The following SLIT1 variants were observed in gnomAD, a reference collection of about 807,000 sequenced individuals.
SLIT1 encodes slit homolog 1 protein.
Under a neutral mutation model 186.1 loss-of-function variants are expected in SLIT1, and 66 were observed. The observed-to-expected ratio is 0.35, with a 90% CI of 0.29 to 0.44. SLIT1 has a LOEUF of 0.44. SLIT1 is among the 20% of genes least tolerant of loss of function. The pLI is 1.00. For synonymous variants in SLIT1, 761 were observed against 833.8 expected (o/e 0.91, Z 1.50); for missense variants, 1,638 against 2,037.4 (o/e 0.80, Z 3.77).
At chr10:97,180,026 A>G (rs1256165275) in intron 1 of SLIT1, among the ~76,000 whole-genome samples, 1 of 152,160 alleles carries the variant, frequency 6.6e-6, no homozygotes, top group Non-Finnish European at 1.5e-5. Context: ...GCCCCAAAAG[A>G]GCACGGCCGC....
At chr10:97,150,949 A>C (rs968650951) in intron 4 of SLIT1, among the ~76,000 whole-genome samples, 6 of 152,150 alleles carry the variant, frequency 3.9e-5, no homozygotes, top group Admixed American at 3.9e-4. Flanking sequence ...CTGTCAGGTG[A>C]CGGAGCTGAC....
Position 97,002,177 on chromosome 10 carries a change from C to T in SLIT1, c.4347G>A (p.Ser1449=), listed in dbSNP as rs372740648. 72 of 1,489,408 alleles carry T rather than the reference C, an allele frequency of 4.8e-5. 1 individual carries two copies. The African/African-American group carries it at 5.8e-4, about 12-fold the overall frequency. 92.3% of individuals were successfully genotyped at this position (1,489,408 alleles called of 1,614,324 possible). The part of the protein sequence containing the change: ...GAHCVCDPGF[S]GELCEQESEC... ...CCTGACCTTGCTCACACAGCTCGCC[C>T]GAAAAGCCGGGGTCACACACACAGT... The change falls in exon 36 of 37, where the codon TCG becomes TCA. Residue 1449 remains serine (S), a synonymous_variant. Coordinates refer to ENST00000266058, the MANE Select transcript of SLIT1 (RefSeq NM_003061.3).
chr10:97,075,765 G>A (rs373908939), intron 4 of SLIT1, among the ~76,000 whole-genome samples: 1 of 152,220 alleles, frequency 6.6e-6, no homozygotes, highest in Non-Finnish European at 1.5e-5. Context: ...CACCTCCTGA[G>A]TCAGGATCCC....
chr10:97,124,151 G>A (rs1589402564), intron 4 of SLIT1, among the ~76,000 whole-genome samples: 3 of 152,200 alleles, frequency 2.0e-5, no homozygotes, highest in African/African-American at 7.2e-5. Context: ...ATTTTATCAT[G>A]AGTATGCATA....
At position 97,160,140 on chromosome 10, in the gene SLIT1, C is replaced by T. The variant is rs747706777; in HGVS notation, c.342-2251G>A. On this transcript the variant is annotated intron_variant, in intron 3 of 36. Coordinates refer to ENST00000266058, the MANE Select transcript of SLIT1 (RefSeq NM_003061.3). The stretch of plus-strand genomic sequence containing the variant: ...CTCCACTCCTCTCCACCTGCAGACC[C>T]GCTGAGGCCACAATGTCCTGATCCC... Among the ~76,000 whole-genome samples, 5 of 152,166 alleles carry T rather than the reference C, an allele frequency of 3.3e-5. No homozygotes were observed. In the South Asian group the frequency reaches 8.3e-4, roughly 25 times the overall value.
At chr10:97,155,664 C>G (rs906782179) in intron 4 of SLIT1, among the ~76,000 whole-genome samples, 6 of 152,126 alleles carry the variant, frequency 3.9e-5, no homozygotes, top group Non-Finnish European at 8.8e-5. Flanking sequence ...TGCCTTGATC[C>G]CAGCAAGGTA....
intron 4 of SLIT1, among the ~76,000 whole-genome samples, chr10:97,115,771 A>C (rs1016534234): frequency 1.3e-5 from 2 of 152,192 alleles, no homozygotes; most frequent in Non-Finnish European, 1.5e-5. Context: ...TTCTCACTGT[A>C]CTGTGAAAAT....
At chr10:97,123,091 A>G (rs963791114) in intron 4 of SLIT1, among the ~76,000 whole-genome samples, 3 of 152,238 alleles carry the variant, frequency 2.0e-5, no homozygotes, top group African/African-American at 7.2e-5. Context: ...AGATGCTATT[A>G]CCATCCCCAC....
chr10:97,032,398 G>A (rs12262174), intron 23 of SLIT1, among the ~76,000 whole-genome samples: 9,693 of 151,928 alleles, frequency 0.064, 412 homozygotes, highest in Middle Eastern at 0.17. Context: ...GCAAAACCCC[G>A]TCTCTCCTAA....
chr10:97,149,155 A>G (rs1849848651), intron 4 of SLIT1, among the ~76,000 whole-genome samples: 3 of 152,220 alleles, frequency 2.0e-5, no homozygotes. Flanking sequence ...GCCCACAGCC[A>G]GGCACCAGGG....
intron 4 of SLIT1, among the ~76,000 whole-genome samples, chr10:97,091,693 T>A (rs1849233674): frequency 6.6e-6 from 1 of 152,212 alleles, no homozygotes; most frequent in Admixed American, 6.5e-5. Flanking sequence ...TTTGAACATG[T>A]TTTTATCTTC....
chr10:97,149,349 G>A (rs1019732117), intron 4 of SLIT1, among the ~76,000 whole-genome samples: 3 of 152,332 alleles, frequency 2.0e-5, no homozygotes, highest in Admixed American at 6.5e-5. Flanking sequence ...CGAGAATCCA[G>A]AGTGCTCCAT....
chr10:97,161,105 G>A (rs899362799), intron 3 of SLIT1, among the ~76,000 whole-genome samples: 13 of 152,162 alleles, frequency 8.5e-5, no homozygotes, highest in African/African-American at 2.7e-4. Context: ...CAACAACTCA[G>A]GCGGCGACCA....
chr10:97,024,886 C>T (rs1428202430), intron 25 of SLIT1, among the ~76,000 whole-genome samples: 1 of 152,152 alleles, frequency 6.6e-6, no homozygotes, highest in African/African-American at 2.4e-5. Context: ...AAAGAGAGGG[C>T]CCACGGCGTG....
chr10:97,073,906 G>A (rs946895291), intron 4 of SLIT1, among the ~76,000 whole-genome samples: 4 of 152,058 alleles, frequency 2.6e-5, no homozygotes, highest in African/African-American at 9.7e-5. Flanking sequence ...CAGTTTCCCA[G>A]ACCCCTCCTG....
Position 97,163,459 on chromosome 10 carries a change from A to G in SLIT1, c.270-8T>C. 6.2e-7 allele frequency: 1 copy of G among 1,613,680 alleles called. No individual in the cohort carries two copies. Among genetic ancestry groups the G allele is most frequent in the Non-Finnish European group, 8.5e-7 (1 of 1,179,562 alleles). ...TGGTTCTCCATCAGCTGCCTGGGGA[A>G]GCAAAGAGACAAGGACAGCTACAGG... On this transcript the variant is annotated splice_region_variant and splice_polypyrimidine_tract_variant and intron_variant, in intron 2 of 36. Transcript: ENST00000266058.
intron 4 of SLIT1, among the ~76,000 whole-genome samples, chr10:97,152,107 G>A (rs1287112593): frequency 2.0e-5 from 3 of 152,140 alleles, no homozygotes; most frequent in Non-Finnish European, 1.5e-5. Context: ...GGCCTGCTCA[G>A]GAAAGTGCCC....
At chr10:97,060,989 ATGTTTGCTGAACT>A (rs1484427902) in intron 8 of SLIT1, among the ~76,000 whole-genome samples, 3 of 152,240 alleles carry the variant, frequency 2.0e-5, no homozygotes, top group African/African-American at 7.2e-5. Flanking sequence ...TTCTTGTCAG[ATGTTTGCTGAACT>A]TGAATCTGAA....
intron 4 of SLIT1, among the ~76,000 whole-genome samples, chr10:97,104,283 G>A (rs972462936): frequency 6.6e-6 from 1 of 152,122 alleles, no homozygotes; most frequent in Non-Finnish European, 1.5e-5. Flanking sequence ...TATGCTTAGT[G>A]TTCATGGAAA....
Sources: allele counts gnomAD v4.1 joint callset (sites outside exome capture counted in the v4.1 genomes callset), GRCh38; gene constraint gnomAD v4.1.1; transcripts MANE v1.5; gene names NCBI Gene and HGNC (gene_info 2026-07-23, HGNC 2026-07-21).